Variants in MTUS2 observed in about 807,000 individuals in gnomAD.
The protein encoded by MTUS2 is microtubule associated scaffold protein 2, also known as microtubule-associated tumor suppressor candidate 2.
In MTUS2, 40 loss-of-function variants were observed where a neutral mutation model predicts 114.1. The observed-to-expected ratio is 0.35, with a 90% CI of 0.27 to 0.46. The LOEUF (loss-of-function observed/expected upper bound fraction) is 0.46. Ranked by LOEUF, MTUS2 falls within the 20% of genes least tolerant of loss-of-function variation. MTUS2 has a pLI of 1.00. For missense variants in MTUS2, 1,679 were observed against 1,705.4 expected (o/e 0.98, Z 0.27); for synonymous variants, 688 against 672.0 (o/e 1.02, Z -0.37).
chr13:29,241,314 A>G (rs969127979), intron 5 of MTUS2, among the ~76,000 whole-genome samples: 3 of 152,214 alleles, frequency 2.0e-5, no homozygotes, highest in Non-Finnish European at 4.4e-5. Context: ...AATGCCTGTC[A>G]CAATATAGCA....
intron 8 of MTUS2, among the ~76,000 whole-genome samples, chr13:29,378,391 C>T (rs1289367853): frequency 2.6e-5 from 4 of 151,900 alleles, no homozygotes; most frequent in African/African-American, 7.3e-5. Context: ...ATTTGTGCTC[C>T]GTGGGATGAG....
At position 29,464,376 on chromosome 13, in the gene MTUS2, A is replaced by G. The variant is rs9551685; in HGVS notation, c.3185-15774A>G. Reference sequence around the variant, plus strand: ...AAGGCCAGGAGTTGGGGCTTAAGCCAGGGAGAGAGAACAGGAAGATCTAGA... The same window carrying G: ...AAGGCCAGGAGTTGGGGCTTAAGCCGGGGAGAGAGAACAGGAAGATCTAGA... On this transcript the variant is annotated intron_variant, in intron 9 of 15. Coordinates refer to ENST00000612955, the MANE Select transcript of MTUS2 (RefSeq NM_001033602.4). 1.1e-3 allele frequency among the ~76,000 whole-genome samples: 163 copies of G among 152,384 alleles called. 5 individuals carry two copies. In the East Asian group the frequency reaches 0.027, roughly 25 times the overall value.
intron 5 of MTUS2, among the ~76,000 whole-genome samples, chr13:29,237,903 A>C (rs1896592232): frequency 1.3e-5 from 2 of 152,244 alleles, no homozygotes. Flanking sequence ...TCAAAAAGAC[A>C]GAAGATAAGT....
intron 5 of MTUS2, among the ~76,000 whole-genome samples, chr13:29,216,187 A>G (rs989862917): frequency 9.2e-5 from 14 of 152,194 alleles, no homozygotes; most frequent in Non-Finnish European, 1.8e-4. Context: ...GTGAGGGGAA[A>G]CTGCCTACTC....
At chr13:28,921,211 A>G (rs1041315252) in intron 2 of MTUS2, among the ~76,000 whole-genome samples, 3 of 152,146 alleles carry the variant, frequency 2.0e-5, no homozygotes, top group Non-Finnish European at 2.9e-5. Context: ...TCACCTGGGT[A>G]TGGCTGCTGG....
chr13:28,855,151 A>T (rs980890865), intron 2 of MTUS2, among the ~76,000 whole-genome samples: 3 of 151,886 alleles, frequency 2.0e-5, no homozygotes, highest in Admixed American at 1.3e-4. Flanking sequence ...GTTTTTATTG[A>T]TATGCCGATA....
intron 7 of MTUS2, among the ~76,000 whole-genome samples, chr13:29,336,921 C>T (rs1052904840): frequency 2.6e-5 from 4 of 152,206 alleles, no homozygotes; most frequent in African/African-American, 9.7e-5. Context: ...TTCAAACCTC[C>T]CAGCAGCTTT....
intron 5 of MTUS2, among the ~76,000 whole-genome samples, chr13:29,124,423 C>T (rs1473774530): frequency 6.6e-6 from 1 of 151,796 alleles, no homozygotes; most frequent in Admixed American, 6.6e-5. Flanking sequence ...TTAAAAAGCC[C>T]AGAAAATAAC....
intron 2 of MTUS2, among the ~76,000 whole-genome samples, chr13:28,933,029 G>T (rs1389317962): frequency 6.6e-6 from 1 of 151,958 alleles, no homozygotes; most frequent in African/African-American, 2.4e-5. Context: ...ACATTGTGTT[G>T]TGTGTCTCCT....
At chr13:28,869,149 A>C (rs1177034887) in intron 2 of MTUS2, among the ~76,000 whole-genome samples, 1 of 152,206 alleles carries the variant, frequency 6.6e-6, no homozygotes, top group Non-Finnish European at 1.5e-5. Flanking sequence ...GCTGTTGAAG[A>C]GTTCTTTGAA....
intron 7 of MTUS2, among the ~76,000 whole-genome samples, chr13:29,349,892 TG>T (rs1869076041): frequency 6.6e-6 from 1 of 152,322 alleles, no homozygotes; most frequent in East Asian, 1.9e-4. Context: ...TTTTTGGATC[TG>T]TTTTTATACA....
chr13:29,027,831 G>A (rs2987336), intron 3 of MTUS2, among the ~76,000 whole-genome samples: 83,921 of 151,944 alleles, frequency 0.55, 24,074 homozygotes, highest in African/African-American at 0.71. Flanking sequence ...GAGCCACCGC[G>A]CCCAGCCGGT....
intron 6 of MTUS2, among the ~76,000 whole-genome samples, chr13:29,317,028 A>G (rs528386361): frequency 1.3e-5 from 2 of 152,322 alleles, no homozygotes; most frequent in South Asian, 2.1e-4. Flanking sequence ...ATATATTTCA[A>G]AAACCACTTG....
chr13:28,914,113 AGTT>A (rs530033427), intron 2 of MTUS2, among the ~76,000 whole-genome samples: 215 of 151,828 alleles, frequency 1.4e-3, no homozygotes, highest in African/African-American at 4.4e-3. Context: ...TATCTCCTTC[AGTT>A]CCACTCTGAT....
At chr13:29,031,546 G>A (rs1374087958) in intron 3 of MTUS2, among the ~76,000 whole-genome samples, 1 of 151,714 alleles carries the variant, frequency 6.6e-6, no homozygotes, top group Non-Finnish European at 1.5e-5. Context: ...CTGCAGCTTG[G>A]GTCTGAAGGT....
At chr13:29,470,893 T>C (rs561666292) in intron 9 of MTUS2, among the ~76,000 whole-genome samples, 1 of 152,276 alleles carries the variant, frequency 6.6e-6, no homozygotes, top group East Asian at 1.9e-4. Context: ...TCCACATTCT[T>C]CTCTGTCATT....
At chr13:28,966,735 A>C (rs548713823) in intron 2 of MTUS2, among the ~76,000 whole-genome samples, 15 of 151,680 alleles carry the variant, frequency 9.9e-5, no homozygotes, top group East Asian at 3.9e-4. Flanking sequence ...AAAAAAAAAA[A>C]AAAAAAAAAA....
At chr13:28,909,356 T>C (rs1230778039) in intron 2 of MTUS2, among the ~76,000 whole-genome samples, 1 of 148,078 alleles carries the variant, frequency 6.8e-6, no homozygotes, top group Non-Finnish European at 1.5e-5. Context: ...TGTATCCTCT[T>C]TTATTTCATT....
chr13:29,079,743 A>G (rs1889358781), intron 4 of MTUS2, among the ~76,000 whole-genome samples: 1 of 152,168 alleles, frequency 6.6e-6, no homozygotes, highest in Non-Finnish European at 1.5e-5. Context: ...ATTCTGTTCT[A>G]CTTAGCTATA....
Sources: gnomAD v4.1 joint callset for allele counts (sites outside exome capture counted in the v4.1 genomes callset) on GRCh38, gnomAD v4.1.1 for gene constraint, MANE v1.5 for transcripts, NCBI Gene and HGNC (gene_info 2026-07-23, HGNC 2026-07-21) for gene names.